CNKSR2: variants seen among roughly 807,000 people sequenced by gnomAD.
CNKSR2 encodes CNK homolog protein 2.
A neutral mutation model predicts 84.4 loss-of-function variants in CNKSR2; 14 were observed. That is an observed-to-expected ratio of 0.17 (90% CI 0.11 to 0.26). The LOEUF (loss-of-function observed/expected upper bound fraction) is 0.26, where lower values mean the gene tolerates loss of function less well. CNKSR2 is among the 10% of genes least tolerant of loss of function. CNKSR2 has a pLI of 1.00. For synonymous variants in CNKSR2, 275 were observed against 277.9 expected (o/e 0.99, Z 0.10); for missense variants, 485 against 771.2 (o/e 0.63, Z 4.40).
At chrX:21,479,520 G>C (rs1052334394) in intron 5 of CNKSR2, among the ~76,000 whole-genome samples, 1 of 111,110 alleles carries the variant, frequency 9.0e-6, no homozygotes, top group Non-Finnish European at 1.9e-5. Flanking sequence ...CAAGGTAATT[G>C]AATCAGTCTG....
At chrX:21,492,413 TATTA>T (rs1408428832) in intron 6 of CNKSR2, 1 of 111,412 alleles carries the variant, frequency 9.0e-6, no homozygotes, top group Non-Finnish European at 1.9e-5. Context: ...ATAGAGTAGA[TATTA>T]ATTTTCTCAT....
At chrX:21,381,138 G>GT (rs935263517) in intron 1 of CNKSR2, among the ~76,000 whole-genome samples, 62 of 111,022 alleles carry the variant, frequency 5.6e-4, no homozygotes, top group Non-Finnish European at 7.9e-4. Flanking sequence ...AAAGAGTTGT[G>GT]TTTTTTTTGT....
At chrX:21,375,230 A>G (rs977688402) in intron 1 of CNKSR2, among the ~76,000 whole-genome samples, 5 of 112,738 alleles carry the variant, frequency 4.4e-5, no homozygotes, top group African/African-American at 1.3e-4. Context: ...GAGGCAGAAT[A>G]CCGGCGCATC....
intron 1 of CNKSR2, among the ~76,000 whole-genome samples, chrX:21,375,810 C>A (rs2089803874): frequency 9.0e-6 from 1 of 111,713 alleles, no homozygotes; most frequent in Non-Finnish European, 1.9e-5. Flanking sequence ...TATAGACACT[C>A]ACCCTCCTAA....
intron 1 of CNKSR2, among the ~76,000 whole-genome samples, chrX:21,417,398 A>G (rs1180714915): frequency 8.9e-6 from 1 of 111,792 alleles, no homozygotes; most frequent in Non-Finnish European, 1.9e-5. Context: ...CAGTCTTTGG[A>G]TGAAATATTC....
At chrX:21,377,353 T>C (rs1023930301) in intron 1 of CNKSR2, among the ~76,000 whole-genome samples, 1 of 112,321 alleles carries the variant, frequency 8.9e-6, no homozygotes, top group African/African-American at 3.2e-5. Flanking sequence ...TTTGCCCTTT[T>C]CCCCAAATAA....
intron 4 of CNKSR2, among the ~76,000 whole-genome samples, chrX:21,461,920 T>C (rs751692421): frequency 8.9e-6 from 1 of 112,270 alleles, no homozygotes; most frequent in Admixed American, 9.4e-5. Context: ...GCCAGTACCA[T>C]GCTGTTTTAA....
chrX:21,644,671 C>T (rs933835394), intron 20 of CNKSR2: 1 of 111,328 alleles, frequency 9.0e-6, no homozygotes, highest in African/African-American at 3.3e-5. Context: ...AAATTCTACT[C>T]GTGGAAAAGT....
intron 5 of CNKSR2, among the ~76,000 whole-genome samples, chrX:21,482,633 T>G (rs1348736373): frequency 8.9e-6 from 1 of 112,183 alleles, no homozygotes; most frequent in Non-Finnish European, 1.9e-5. Context: ...AATAGGCTGT[T>G]AGGGGTCATT....
chrX:21,449,906 T>TA (rs1275624763), intron 4 of CNKSR2, among the ~76,000 whole-genome samples: 1 of 112,444 alleles, frequency 8.9e-6, no homozygotes, highest in Non-Finnish European at 1.9e-5. Flanking sequence ...CTTTTCCCTT[T>TA]AAAAAATGGC....
At chrX:21,526,059 A>C (rs769523690) in intron 9 of CNKSR2, among the ~76,000 whole-genome samples, 1 of 110,962 alleles carries the variant, frequency 9.0e-6, no homozygotes, top group African/African-American at 3.3e-5. Context: ...AAGTTAATGC[A>C]TCCTCATGTA....
chrX:21,511,755 C>A (rs1569214075), intron 8 of CNKSR2, among the ~76,000 whole-genome samples: 1 of 111,607 alleles, frequency 9.0e-6, no homozygotes, highest in Non-Finnish European at 1.9e-5. Flanking sequence ...CATCTGAACT[C>A]TGTGTGTTTC....
At chrX:21,453,827 G>A (rs1473196757) in intron 4 of CNKSR2, among the ~76,000 whole-genome samples, 1 of 111,226 alleles carries the variant, frequency 9.0e-6, no homozygotes, top group Non-Finnish European at 1.9e-5. Flanking sequence ...ATCTTACATG[G>A]CCAGAGAAGG....
chrX:21,574,439 A>G (rs1313668648), intron 13 of CNKSR2, among the ~76,000 whole-genome samples: 2 of 112,029 alleles, frequency 1.8e-5, no homozygotes, highest in Non-Finnish European at 3.8e-5. Flanking sequence ...ATTGACTCAC[A>G]GTTCCACAGG....
intron 5 of CNKSR2, among the ~76,000 whole-genome samples, chrX:21,488,902 T>G (rs1214465131): frequency 9.0e-6 from 1 of 110,763 alleles, no homozygotes; most frequent in Non-Finnish European, 1.9e-5. Flanking sequence ...GGAAATACCT[T>G]GTGGACAAAG....
intron 5 of CNKSR2, among the ~76,000 whole-genome samples, chrX:21,482,621 A>G (rs985480010): frequency 8.9e-6 from 1 of 112,317 alleles, no homozygotes; most frequent in African/African-American, 3.2e-5. Flanking sequence ...ATTTTAACGC[A>G]TAATAGGCTG....
At chrX:21,450,554 C>T (rs1165480658) in intron 4 of CNKSR2, among the ~76,000 whole-genome samples, 2 of 111,432 alleles carry the variant, frequency 1.8e-5, no homozygotes, top group Admixed American at 1.9e-4. Flanking sequence ...TATACCATAC[C>T]ATCTCTATTT....
At chrX:21,558,486 C>A (rs1479015900) in intron 11 of CNKSR2, among the ~76,000 whole-genome samples, 1 of 108,877 alleles carries the variant, frequency 9.2e-6, no homozygotes, top group Non-Finnish European at 1.9e-5. Context: ...CTTTTTCTTT[C>A]GGTTTTTTTC....
Position 21,432,723 on chromosome X carries a change from G to C in CNKSR2, c.340G>C (p.Gly114Arg). ...AAGGAGAAGGAGTGGCCATTATGAT[G>C]GGAGGACCAGCCGAAAATTGCCAAA... Reference protein sequence around the residue: ...TGRRRSGHYDGRTSRKLPNDF... With the variant: ...TGRRRSGHYDRRTSRKLPNDF... Residue 114 changes from glycine to arginine, a missense_variant, in exon 3 of 22, where the codon GGG becomes CGG. By Grantham distance (125) the Gly-to-Arg change is moderately radical. This residue lies in a region of CNKSR2 where 109 missense variants were observed against 197.5 expected (regional missense o/e 0.55). Coordinates refer to ENST00000379510, the MANE Select transcript of CNKSR2 (RefSeq NM_014927.5). 1 of 1,210,116 alleles carries C rather than the reference G, an allele frequency of 8.3e-7. No individual in the cohort carries two copies. Among genetic ancestry groups the C allele is most frequent in the Non-Finnish European group, 1.1e-6 (1 of 894,545 alleles).
Sources: allele counts gnomAD v4.1 joint callset (sites outside exome capture counted in the v4.1 genomes callset), GRCh38; gene constraint gnomAD v4.1.1; regional missense constraint gnomAD v4.1.1; transcripts MANE v1.5; gene names NCBI Gene and HGNC (gene_info 2026-07-23, HGNC 2026-07-21).